The following NOS2 variants were observed in gnomAD, a reference collection of about 807,000 sequenced individuals.
The protein encoded by NOS2 is nitric oxide synthase, inducible.
Under a neutral mutation model 136.0 loss-of-function variants are expected in NOS2, and 96 were observed. The ratio of observed to expected loss-of-function variants is 0.71; its 90% CI spans 0.60 to 0.84. The LOEUF is 0.84. Among genes scored for constraint, NOS2 ranks in the 40% least tolerant of loss-of-function variants. NOS2 has a pLI of 0.00. For synonymous variants in NOS2, 539 were observed against 587.5 expected (o/e 0.92, Z 1.20); for missense variants, 1,237 against 1,496.9 (o/e 0.83, Z 2.87).
At chr17:27,789,954 A>T (rs1477922795) in intron 2 of NOS2, among the ~76,000 whole-genome samples, 1 of 152,238 alleles carries the variant, frequency 6.6e-6, no homozygotes, top group African/African-American at 2.4e-5. Flanking sequence ...GAGGATCTGG[A>T]AAATGCTCCT....
chr17:27,789,792 TC>T (rs1909136636), intron 2 of NOS2, 104 bp from the exon 3 acceptor site: 1 of 767,416 alleles, frequency 1.3e-6, no homozygotes, highest in Non-Finnish European at 2.3e-6. Flanking sequence ...GGAAACTGAG[TC>T]CAGAGGGTGG....
At chr17:27,775,753 C>T (rs1162491993) in intron 11 of NOS2, among the ~76,000 whole-genome samples, 1 of 152,158 alleles carries the variant, frequency 6.6e-6, no homozygotes, top group African/African-American at 2.4e-5. Context: ...CACTGCACTC[C>T]AGTCTGGGTG....
Position 27,781,118 on chromosome 17 carries a change from T to G in NOS2, c.782A>C (p.Asn261Thr). ...SDGKHDFRVWNAQLIRYAGYQ... is the reference protein window; with the variant it reads ...SDGKHDFRVWTAQLIRYAGYQ... ...GCCAGCATAGCGGATGAGCTGAGCATTCCACACCCGGAAGTCGTGCTTGCC... is the reference window on the plus strand; with the variant it reads ...GCCAGCATAGCGGATGAGCTGAGCAGTCCACACCCGGAAGTCGTGCTTGCC... The change falls in exon 8 of 27, where the codon AAT becomes ACT. Residue 261 changes from asparagine to threonine, a missense_variant. By Grantham distance (65) the Asn-to-Thr change is moderately conservative (BLOSUM62 0). Coordinates refer to ENST00000313735, the MANE Select transcript of NOS2 (RefSeq NM_000625.4). 6.2e-7 allele frequency: 1 copy of G among 1,613,262 alleles called. No homozygotes were observed. The highest frequency in any genetic ancestry group is 8.5e-7 in the Non-Finnish European group (1 of 1,180,032).
intron 5 of NOS2, among the ~76,000 whole-genome samples, chr17:27,785,487 T>A (rs1395130948): frequency 1.3e-5 from 2 of 152,072 alleles, no homozygotes; most frequent in African/African-American, 4.8e-5. Flanking sequence ...GTCTGCCTCA[T>A]CCCCATCTCC....
Position 27,789,704 on chromosome 17 carries a change from G to C in NOS2, c.111-16C>G, listed in dbSNP as rs778034545. 2 of 1,598,374 alleles carry C rather than the reference G, an allele frequency of 1.3e-6. No individual in the cohort carries two copies. Among genetic ancestry groups the C allele is most frequent in the Non-Finnish European group, 1.7e-6 (2 of 1,165,814 alleles). On this transcript the variant is annotated splice_polypyrimidine_tract_variant and intron_variant, in intron 2 of 26. Transcript: ENST00000313735. ...TGTCACTGGACTGTGAAAGGAAACAGCTAGCATGAGATGCGGTATCCAAGG... is the reference window on the plus strand; with the variant it reads ...TGTCACTGGACTGTGAAAGGAAACACCTAGCATGAGATGCGGTATCCAAGG...
At chr17:27,789,001 T>C in intron 3 of NOS2, 70 bp from the exon 4 acceptor site, 1 of 1,562,206 alleles carries the variant, frequency 6.4e-7, no homozygotes, top group Non-Finnish European at 8.7e-7. Flanking sequence ...TGTCTTAGAG[T>C]GGGGAAGGAT....
chr17:27,784,170 C>T (rs3794761), intron 5 of NOS2, among the ~76,000 whole-genome samples: 2 of 150,930 alleles, frequency 1.3e-5, no homozygotes, highest in African/African-American at 4.9e-5. Context: ...ACTACCACCA[C>T]CACCAACAAC....
At position 27,772,307 on chromosome 17, in the gene NOS2, C is replaced by A. The variant is rs755410784; in HGVS notation, c.1704+1G>T. 3 of 1,614,130 alleles carry A rather than the reference C, an allele frequency of 1.9e-6. No homozygotes were observed. The highest frequency in any genetic ancestry group is 2.5e-6 in the Non-Finnish European group (3 of 1,180,034). Reference sequence around the variant, plus strand: ...CAACAGCCATCCCACTGAGCCAGTACCTTGGGGTTGAAGGCACAGCTGAAT... The same window carrying A: ...CAACAGCCATCCCACTGAGCCAGTAACTTGGGGTTGAAGGCACAGCTGAAT... On this transcript the variant is annotated splice_donor_variant, in intron 14 of 26. Transcript: ENST00000313735. LOFTEE classifies it high-confidence loss of function.
intron 11 of NOS2, among the ~76,000 whole-genome samples, chr17:27,777,657 G>A (rs978324653): frequency 6.6e-6 from 1 of 152,180 alleles, no homozygotes; most frequent in Non-Finnish European, 1.5e-5. Context: ...TCTACCATGT[G>A]CCAGACACTC....
At chr17:27,762,775 C>T (rs751831038) in intron 22 of NOS2, 23 bp downstream of exon 22, 1 of 1,518,294 alleles carries the variant, frequency 6.6e-7, no homozygotes, top group Non-Finnish European at 8.9e-7. Flanking sequence ...GGGGCTGTTC[C>T]AGAGCCTCTG....
chr17:27,760,488 G>C, intron 24 of NOS2, 135 bp downstream of exon 24: 1 of 1,195,614 alleles, frequency 8.4e-7, no homozygotes, highest in Non-Finnish European at 1.2e-6. Context: ...AACCCGCAGA[G>C]GCCCGCACAG....
At chr17:27,772,479 G>A (rs767466928) in intron 13 of NOS2, 27 bp from the exon 14 acceptor site, 16 of 1,612,426 alleles carry the variant, frequency 9.9e-6, no homozygotes, top group African/African-American at 1.3e-5. Context: ...ACAGGCAGGC[G>A]CTGTGTGCTG....
At position 27,767,726 on chromosome 17, in the gene NOS2, G is replaced by A. The variant is rs754502582; in HGVS notation, c.2146C>T (p.Gln716Ter). ...PHHYRLVQDS[Q>*]PLDLSKALSS... Reference sequence around the variant, plus strand: ...GTACCTTTGCTGAGGTCCAAAGGCTGTGAGTCCTGCACGAGCCTGTAGTGG... The same window carrying A: ...GTACCTTTGCTGAGGTCCAAAGGCTATGAGTCCTGCACGAGCCTGTAGTGG... The change falls in exon 18 of 27, where the codon CAG becomes TAG. Residue 716 changes from glutamine (Q) to a stop codon, truncating the protein, a stop_gained. Coordinates refer to ENST00000313735, the MANE Select transcript of NOS2 (RefSeq NM_000625.4). LOFTEE classifies it high-confidence loss of function. The A allele has an allele frequency of 3.1e-6, 5 of 1,613,604 alleles. No homozygotes were observed. Among genetic ancestry groups the A allele is most frequent in the Non-Finnish European group, 4.2e-6 (5 of 1,180,022 alleles).
At chr17:27,780,578 G>A (rs570340485) in intron 9 of NOS2, among the ~76,000 whole-genome samples, 189 bp downstream of exon 9, 3 of 152,318 alleles carry the variant, frequency 2.0e-5, no homozygotes, top group South Asian at 4.1e-4. Flanking sequence ...TCTGAGGCCC[G>A]AGGTGCCAGT....
intron 6 of NOS2, among the ~76,000 whole-genome samples, chr17:27,782,616 T>C (rs554222406): frequency 9.8e-5 from 15 of 152,328 alleles, no homozygotes; most frequent in South Asian, 2.1e-4. Context: ...AATTCAAGCA[T>C]TGGAGGAAAA....
At position 27,779,020 on chromosome 17, in the gene NOS2, G is replaced by A. The variant is rs201471682; in HGVS notation, c.1041C>T (p.Tyr347=). Residue 347 remains tyrosine (Y), a synonymous_variant, in exon 10 of 27, where the codon TAC becomes TAT. Transcript: ENST00000313735. ...GCATGTTGGCCACTGCAGGCAGGGC[G>A]TACCACTTTAGCTCCAGTTCCCGAA... is the stretch of plus-strand genomic sequence containing the variant. ...EWFRELELKW[Y]ALPAVANMLL... The A allele has an allele frequency of 2.5e-5, 40 of 1,590,428 alleles. No homozygotes were observed. Among genetic ancestry groups the A allele is most frequent in the African/African-American group, 1.1e-4 (8 of 74,062 alleles).
chr17:27,778,873 C>G lies in NOS2; in HGVS notation c.1179+9G>C, dbSNP rs202009297. ...ACCTTCATCTGGCCAGCTGGGCTGG[C>G]TGGGTTACCTCCAGGATGTTGTAGC... On this transcript the variant is annotated intron_variant, in intron 10 of 26. Coordinates refer to ENST00000313735, the MANE Select transcript of NOS2 (RefSeq NM_000625.4). 6.2e-7 allele frequency: 1 copy of G among 1,609,932 alleles called. No individual in the cohort carries two copies. Among genetic ancestry groups the G allele is most frequent in the South Asian group, 1.1e-5 (1 of 90,902 alleles).
Position 27,784,173 on chromosome 17 carries a change from CCAA to C in NOS2, c.468-1070_468-1068del, listed in dbSNP as rs61238787. Among the ~76,000 whole-genome samples the C allele has an allele frequency of 3.0e-4, 46 of 151,340 alleles. No individual in the cohort carries two copies. In the East Asian group the frequency reaches 3.9e-3, roughly 13 times the overall value. On this transcript the variant is annotated intron_variant, in intron 5 of 26. Transcript: ENST00000313735. ...ACACACACACACACTACCACCACCA[CCAA>C]CAACAACAACCTTGAGATTTCCAGT...
At chr17:27,758,055 C>A (rs1368734684) in intron 26 of NOS2, among the ~76,000 whole-genome samples, 1 of 152,204 alleles carries the variant, frequency 6.6e-6, no homozygotes, top group Non-Finnish European at 1.5e-5. Flanking sequence ...TGGGCTGTTT[C>A]CTGCTGTTTT....
Sources: allele counts gnomAD v4.1 joint callset (sites outside exome capture counted in the v4.1 genomes callset), GRCh38; gene constraint gnomAD v4.1.1; transcripts MANE v1.5; gene names NCBI Gene and HGNC (gene_info 2026-07-23, HGNC 2026-07-21).